ZBTB44: variants seen among roughly 807,000 people sequenced by gnomAD.
The protein encoded by ZBTB44 is zinc finger and BTB domain containing 44, also known as zinc finger and BTB domain-containing protein 44.
In ZBTB44, 15 loss-of-function variants were observed where a neutral mutation model predicts 54.0. That is an observed-to-expected ratio of 0.28 (90% CI 0.19 to 0.43). The LOEUF (loss-of-function observed/expected upper bound fraction) is 0.43. ZBTB44 is among the 20% of genes least tolerant of loss of function. The pLI is 1.00. For missense variants in ZBTB44, 487 were observed against 707.1 expected (o/e 0.69, Z 3.53); for synonymous variants, 230 against 250.1 (o/e 0.92, Z 0.76).
chr11:130,239,779 T>TA, intron 3 of ZBTB44, 33 bp downstream of exon 3: 1 of 1,566,800 alleles, frequency 6.4e-7, no homozygotes, highest in African/African-American at 1.3e-5. Flanking sequence ...ACACAACCCT[T>TA]AAGAGGTAAC....
At position 130,230,346 on chromosome 11, in the gene ZBTB44, A is replaced by G. The variant is rs946136200; in HGVS notation, c.*1418T>C. 6.6e-5 allele frequency: 10 copies of G among 151,762 alleles called. No individual in the cohort carries two copies. Among genetic ancestry groups the G allele is most frequent in the African/African-American group, 2.4e-4 (10 of 41,388 alleles). The allele number at this position is 151,762 out of a possible 1,614,324, so 9.4% of individuals were successfully genotyped here. A position where few individuals can be genotyped will look rare whatever the true frequency, so the allele number is the denominator to read the frequency against. On this transcript the variant is annotated 3_prime_UTR_variant, in exon 8 of 8. Coordinates refer to ENST00000357899, the MANE Select transcript of ZBTB44 (RefSeq NM_001301098.2). Reference sequence around the variant, plus strand: ...TAGTTAGAAGGTAACTGAGTTACCAATAATTATGGACATCAGATGTATTGA... The same window carrying G: ...TAGTTAGAAGGTAACTGAGTTACCAGTAATTATGGACATCAGATGTATTGA...
intron 1 of ZBTB44, 90 bp from the exon 2 acceptor site, chr11:130,262,019 TA>T: frequency 1.0e-6 from 1 of 977,388 alleles, no homozygotes; most frequent in South Asian, 1.9e-5. Context: ...TGTACTAAAT[TA>T]AAAAGCTGAA....
At chr11:130,291,840 T>C (rs1015188814) in intron 1 of ZBTB44, among the ~76,000 whole-genome samples, 16 of 152,198 alleles carry the variant, frequency 1.1e-4, no homozygotes, top group African/African-American at 1.4e-4. Flanking sequence ...ATAAACTGCA[T>C]AGTGGACAAT....
In ZBTB44 at chr11:130,261,798, T is replaced by C. The variant is rs1938879470; in HGVS notation, c.76A>G (p.Asn26Asp). ...GTGATATCACAAAAATGTCCATCATTTCGCAGCATATTTAGCTTTCCAAGC... is the reference window on the plus strand; with the variant it reads ...GTGATATCACAAAAATGTCCATCATCTCGCAGCATATTTAGCTTTCCAAGC... ...EMLGKLNMLR[N>D]DGHFCDITIR... Residue 26 changes from asparagine (N) to aspartate (D), a missense_variant, in exon 2 of 8, where the codon AAT becomes GAT. Physicochemically the swap from Asn to Asp is conservative, Grantham distance 23 (BLOSUM62 1). This residue lies in a region of ZBTB44 where 90 missense variants were observed against 160.3 expected (regional missense o/e 0.56). Transcript: ENST00000357899. The surrounding 1 kb of genome is among the most constrained non-coding windows in gnomAD (Gnocchi z 4.8). The C allele has an allele frequency of 6.2e-7, 1 of 1,613,942 alleles. No individual in the cohort carries two copies. Among genetic ancestry groups the C allele is most frequent in the African/African-American group, 1.3e-5 (1 of 74,940 alleles).
At chr11:130,275,930 G>T (rs910092703) in intron 1 of ZBTB44, among the ~76,000 whole-genome samples, 50 of 148,426 alleles carry the variant, frequency 3.4e-4, no homozygotes, top group Admixed American at 1.4e-3. Flanking sequence ...CAGGTCATTT[G>T]CATTAAAATC....
rs191750023 is a variant in ZBTB44 at position 130,313,159 on chromosome 11, T to C, written c.-57+1216A>G. Among the ~76,000 whole-genome samples, 32 of 152,350 alleles carry C rather than the reference T, an allele frequency of 2.1e-4. 1 individual carries two copies. Among genetic ancestry groups the C allele is most frequent in the Admixed American group, 1.8e-3 (27 of 15,300 alleles). Reference sequence around the variant, plus strand: ...CGAAAGTACATCTATACTGGAATTATATTTGGGTTGAAATCTAAACTATCT... The same window carrying C: ...CGAAAGTACATCTATACTGGAATTACATTTGGGTTGAAATCTAAACTATCT... On this transcript the variant is annotated intron_variant, in intron 1 of 7. Coordinates refer to ENST00000357899, the MANE Select transcript of ZBTB44 (RefSeq NM_001301098.2).
intron 1 of ZBTB44, among the ~76,000 whole-genome samples, chr11:130,297,401 C>A (rs1221025178): frequency 6.6e-6 from 1 of 152,208 alleles, no homozygotes; most frequent in Admixed American, 6.5e-5. Flanking sequence ...AATATGTACA[C>A]AAGTACTGTG....
At chr11:130,281,654 G>C (rs904263935) in intron 1 of ZBTB44, among the ~76,000 whole-genome samples, 17 of 152,030 alleles carry the variant, frequency 1.1e-4, no homozygotes, top group African/African-American at 4.1e-4. Flanking sequence ...GAGTGCAGTG[G>C]TGTGATATCG....
At chr11:130,286,513 C>G (rs1940974510) in intron 1 of ZBTB44, among the ~76,000 whole-genome samples, 1 of 152,180 alleles carries the variant, frequency 6.6e-6, no homozygotes. Context: ...CGTGGTATCC[C>G]TGTCCCTTTG....
chr11:130,265,713 A>T (rs900531516), intron 1 of ZBTB44, among the ~76,000 whole-genome samples: 4 of 152,236 alleles, frequency 2.6e-5, no homozygotes, highest in Admixed American at 1.3e-4. Context: ...TGTGCACAGA[A>T]GATGAAACCA....
chr11:130,251,940 T>C (rs1192227442), intron 2 of ZBTB44, among the ~76,000 whole-genome samples: 1 of 152,132 alleles, frequency 6.6e-6, no homozygotes, highest in Non-Finnish European at 1.5e-5. Flanking sequence ...TAAATGTAAA[T>C]GGGCTAAATG....
chr11:130,299,455 G>C (rs1210001050), intron 1 of ZBTB44, among the ~76,000 whole-genome samples: 1 of 151,654 alleles, frequency 6.6e-6, no homozygotes, highest in Non-Finnish European at 1.5e-5. Flanking sequence ...TGGGAGGCTG[G>C]GGCAGGAGAA....
In ZBTB44 at chr11:130,314,804, G is replaced by A. The variant is rs1158455489; in HGVS notation, c.-486C>T. 4 of 125,242 alleles carry A rather than the reference G, an allele frequency of 3.2e-5. No homozygotes were observed. Among genetic ancestry groups the A allele is most frequent in the African/African-American group, 1.2e-4 (4 of 32,158 alleles). 7.8% of individuals were successfully genotyped at this position (125,242 alleles called of 1,614,324 possible). A position where few individuals can be genotyped will look rare whatever the true frequency, so the allele number is the denominator to read the frequency against. On this transcript the variant is annotated 5_prime_UTR_variant, in exon 1 of 8. Coordinates refer to ENST00000357899, the MANE Select transcript of ZBTB44 (RefSeq NM_001301098.2). ...GGGAAGGGGAAGGGGACTGAGGGGA[G>A]GGGAGGGGGAGGTTGGGAGGGAGCC...
intron 2 of ZBTB44, among the ~76,000 whole-genome samples, chr11:130,250,464 A>AC (rs960134153): frequency 1.2e-4 from 18 of 152,014 alleles, no homozygotes; most frequent in African/African-American, 3.9e-4. Context: ...TGGGTCCCTG[A>AC]CCCCCATGCC....
At position 130,242,571 on chromosome 11, in the gene ZBTB44, A is replaced by G. The variant is rs546174651; in HGVS notation, c.1019-2675T>C. On this transcript the variant is annotated intron_variant, in intron 2 of 7. Transcript: ENST00000357899. ...TTTCAAATATAAATATTTCATTTATATATTTTTCAAATATAATTCATTCTT... is the reference window on the plus strand; with the variant it reads ...TTTCAAATATAAATATTTCATTTATGTATTTTTCAAATATAATTCATTCTT... Among the ~76,000 whole-genome samples the G allele has an allele frequency of 2.8e-3, 430 of 152,248 alleles. 1 individual carries two copies. Among genetic ancestry groups the G allele is most frequent in the Non-Finnish European group, 4.4e-3 (296 of 68,002 alleles).
intron 1 of ZBTB44, among the ~76,000 whole-genome samples, chr11:130,303,917 A>G (rs1942126664): frequency 6.6e-6 from 1 of 152,238 alleles, no homozygotes; most frequent in Non-Finnish European, 1.5e-5. Context: ...TATCAACGTG[A>G]AACAACATGA....
chr11:130,248,192 T>C (rs1443632532), intron 2 of ZBTB44, among the ~76,000 whole-genome samples: 1 of 152,228 alleles, frequency 6.6e-6, no homozygotes, highest in Non-Finnish European at 1.5e-5. Flanking sequence ...GGGGAAAAAG[T>C]ACCATGCACA....
rs970628542 is a variant in ZBTB44, at chr11:130,238,454, G to A, written c.1257C>T (p.Leu419=). 2.5e-6 allele frequency: 4 copies of A among 1,607,068 alleles called. No homozygotes were observed. The highest frequency in any genetic ancestry group is 2.7e-5 in the African/African-American group (2 of 74,934). ...GGAAGGTGACATTACCTGAGTGGATGAGCATGTGCTGCTTTAGGTTCTGAA... is the reference window on the plus strand; with the variant it reads ...GGAAGGTGACATTACCTGAGTGGATAAGCATGTGCTGCTTTAGGTTCTGAA... ...TRIQNLKQHM[L]IHSGIKPFQC... is the part of the protein sequence containing the mutation. The change falls in exon 4 of 8, where the codon CTC becomes CTT. Residue 419 remains leucine (L), a synonymous_variant. Transcript: ENST00000357899.
In ZBTB44 at chr11:130,233,132, T is replaced by C. The variant is rs117210832; in HGVS notation, c.*48+176A>G. On this transcript the variant is annotated intron_variant, in intron 7 of 7. Coordinates refer to ENST00000357899, the MANE Select transcript of ZBTB44 (RefSeq NM_001301098.2). ...TATAAAATATAGAATATCTCCAGTATTTTTACTTTATATGGCAGCACGCCA... is the reference window on the plus strand; with the variant it reads ...TATAAAATATAGAATATCTCCAGTACTTTTACTTTATATGGCAGCACGCCA... 1.5e-5 allele frequency: 9 copies of C among 606,862 alleles called. No homozygotes were observed. In the South Asian group the frequency reaches 2.2e-4, roughly 15 times the overall value. The allele number at this position is 606,862 out of a possible 1,614,324, so 37.6% of individuals were successfully genotyped here.
Sources: allele counts gnomAD v4.1 joint callset (sites outside exome capture counted in the v4.1 genomes callset), GRCh38; gene constraint gnomAD v4.1.1; regional missense constraint gnomAD v4.1.1; non-coding constraint Gnocchi (gnomAD v3.1); transcripts MANE v1.5; gene names NCBI Gene and HGNC (gene_info 2026-07-23, HGNC 2026-07-21).